The following LBHD2 variants were observed in gnomAD, a reference collection of about 807,000 sequenced individuals.
LBHD2 encodes LBH domain-containing protein 2.
chr14:103,086,885 C>G (rs1169760796), intron 2 of LBHD2, among the ~76,000 whole-genome samples: 1 of 152,200 alleles, frequency 6.6e-6, no homozygotes, highest in Non-Finnish European at 1.5e-5. Flanking sequence ...CACAGCCTCC[C>G]AGGCAGGGTG....
intron 3 of LBHD2, 135 bp from the exon 4 acceptor site, chr14:103,089,562 G>A (rs1392384436): frequency 5.0e-6 from 2 of 396,988 alleles, no homozygotes; most frequent in Non-Finnish European, 8.9e-6. Context: ...CACCCCTCCC[G>A]CTTCTCATCA....
At chr14:103,085,626 C>G (rs1439419501) in intron 1 of LBHD2, among the ~76,000 whole-genome samples, 2 of 152,226 alleles carry the variant, frequency 1.3e-5, no homozygotes, top group African/African-American at 4.8e-5. Flanking sequence ...CCCTAGGACA[C>G]TCCGTGTCCT....
At chr14:103,087,559 C>T (rs949768996) in intron 2 of LBHD2, among the ~76,000 whole-genome samples, 1 of 152,208 alleles carries the variant, frequency 6.6e-6, no homozygotes, top group African/African-American at 2.4e-5. Context: ...GGCCTGGGGA[C>T]GCAGCCCCCG....
Position 103,085,958 on chromosome 14 carries a change from C to G in LBHD2, c.-37-18C>G, listed in dbSNP as rs1595222365. ...TCCAGCATCAGGCCAACAGCAGACA[C>G]CCCATTTCTGCTCCCAGTCCTCGTG... On this transcript the variant is annotated intron_variant, in intron 1 of 3. Transcript: ENST00000634353. The G allele has an allele frequency of 2.5e-6, 1 of 398,580 alleles. No homozygotes were observed. Among genetic ancestry groups the G allele is most frequent in the East Asian group, 3.6e-5 (1 of 28,086 alleles). The allele number at this position is 398,580 out of a possible 1,614,324, so 24.7% of individuals were successfully genotyped here. A position where few individuals can be genotyped will look rare whatever the true frequency, so the allele number is the denominator to read the frequency against.
chr14:103,087,334 C>T (rs552628659), intron 2 of LBHD2, among the ~76,000 whole-genome samples: 1 of 152,224 alleles, frequency 6.6e-6, no homozygotes, highest in Non-Finnish European at 1.5e-5. Context: ...GGCCCTTGTG[C>T]TCTTTTGGGA....
chr14:103,085,493 T>A (rs1333188229), intron 1 of LBHD2, among the ~76,000 whole-genome samples: 1 of 152,176 alleles, frequency 6.6e-6, no homozygotes, highest in Non-Finnish European at 1.5e-5. Context: ...CTGTGGGTGC[T>A]GAGGGCCTGG....
intron 1 of LBHD2, among the ~76,000 whole-genome samples, chr14:103,084,998 C>T (rs908199439): frequency 6.6e-6 from 1 of 152,168 alleles, no homozygotes; most frequent in Non-Finnish European, 1.5e-5. Context: ...CCCGCTGCCC[C>T]GAGAGGCCTC....
intron 3 of LBHD2, 37 bp from the exon 4 acceptor site, chr14:103,089,660 C>A: frequency 2.5e-6 from 1 of 398,644 alleles, no homozygotes; most frequent in Admixed American, 4.4e-5. Flanking sequence ...CTGCACTCCC[C>A]CCGCCGACCA....
intron 1 of LBHD2, among the ~76,000 whole-genome samples, chr14:103,084,800 C>G (rs1028473027): frequency 3.3e-5 from 5 of 152,180 alleles, no homozygotes; most frequent in Non-Finnish European, 7.4e-5. Context: ...CTTGCCTCTC[C>G]CTCTGCCTCC....
intron 3 of LBHD2, among the ~76,000 whole-genome samples, 197 bp downstream of exon 3, chr14:103,088,438 C>T (rs540531847): frequency 1.6e-4 from 24 of 152,360 alleles, no homozygotes; most frequent in African/African-American, 5.1e-4. Context: ...TCCCTAGCAC[C>T]GTCCTCCCTC....
intron 1 of LBHD2, among the ~76,000 whole-genome samples, chr14:103,085,326 G>A (rs897366311): frequency 2.6e-5 from 4 of 152,146 alleles, no homozygotes; most frequent in African/African-American, 4.8e-5. Context: ...AGCCCACACG[G>A]CCCGAGCGCA....
At chr14:103,087,427 G>A (rs148441656) in intron 2 of LBHD2, among the ~76,000 whole-genome samples, 105 of 152,346 alleles carry the variant, frequency 6.9e-4, no homozygotes, top group African/African-American at 1.8e-3. Flanking sequence ...GAGCACAGGC[G>A]TGGGGGTGGG....
chr14:103,089,293 ACC>A (rs1889678161), intron 3 of LBHD2, among the ~76,000 whole-genome samples: 1 of 150,690 alleles, frequency 6.6e-6, no homozygotes, highest in African/African-American at 2.4e-5. Context: ...TGGCCAGAAA[ACC>A]CCCTTTTCAT....
rs189053607 is a variant in LBHD2, at chr14:103,087,952, G to T, written c.70-133G>T. ...GATGTTCCTGTGTGAATACACATGT[G>T]CCCATCCCTGCCCTGGGGACTGGGT... is the stretch of plus-strand genomic sequence containing the variant. On this transcript the variant is annotated intron_variant, in intron 2 of 3. Coordinates refer to ENST00000634353, the MANE Select transcript of LBHD2 (RefSeq NM_001330236.2). The T allele has an allele frequency of 1.4e-4, 56 of 397,496 alleles. 2 individuals carry two copies. The highest frequency in any genetic ancestry group is 1.0e-3 in the African/African-American group (49 of 48,718). The allele number at this position is 397,496 out of a possible 1,614,324, so 24.6% of individuals were successfully genotyped here. A position where few individuals can be genotyped will look rare whatever the true frequency, so the allele number is the denominator to read the frequency against.
intron 2 of LBHD2, among the ~76,000 whole-genome samples, chr14:103,086,369 G>T (rs949430701): frequency 6.6e-5 from 10 of 152,120 alleles, no homozygotes; most frequent in African/African-American, 9.7e-5. Context: ...CCACCACTAT[G>T]CCCAGTTAAT....
intron 1 of LBHD2, 79 bp from the exon 2 acceptor site, chr14:103,085,897 T>A: frequency 2.5e-6 from 1 of 397,226 alleles, no homozygotes; most frequent in Non-Finnish European, 4.4e-6. Flanking sequence ...TGGAGTGGGG[T>A]GGGCTTAGCA....
intron 2 of LBHD2, among the ~76,000 whole-genome samples, chr14:103,086,541 A>C (rs1566940266): frequency 6.6e-6 from 1 of 151,982 alleles, no homozygotes; most frequent in Non-Finnish European, 1.5e-5. Flanking sequence ...ATAATGGATA[A>C]AAAAAATTGA....
intron 1 of LBHD2, 149 bp downstream of exon 1, chr14:103,084,496 C>G (rs1889608765): frequency 6.6e-6 from 1 of 152,448 alleles, no homozygotes; most frequent in African/African-American, 2.4e-5. Context: ...CGGGGCTGTG[C>G]CCAGCAAGAC....
At chr14:103,085,375 T>A (rs1234484826) in intron 1 of LBHD2, among the ~76,000 whole-genome samples, 1 of 152,194 alleles carries the variant, frequency 6.6e-6, no homozygotes, top group Non-Finnish European at 1.5e-5. Context: ...TGCCAGGGGC[T>A]CTCTTCCCAG....
Sources: allele counts gnomAD v4.1 joint callset (sites outside exome capture counted in the v4.1 genomes callset), GRCh38; gene constraint gnomAD v4.1.1; transcripts MANE v1.5; gene names NCBI Gene and HGNC (gene_info 2026-07-23, HGNC 2026-07-21).